Variants in EYS observed in about 807,000 individuals in gnomAD.
EYS encodes the protein EGF-like photoreceptor maintenance factor, also known as protein eyes shut homolog.
In EYS, 250 loss-of-function variants were observed where a neutral mutation model predicts 282.1. That is an observed-to-expected ratio of 0.89 (90% CI 0.80 to 0.98). The LOEUF (loss-of-function observed/expected upper bound fraction) is 0.98. EYS is among the 50% of genes least tolerant of loss of function. The pLI is 0.00. For missense variants in EYS, 4,016 were observed against 3,709.0 expected (o/e 1.08, Z -2.15); for synonymous variants, 1,355 against 1,282.9 (o/e 1.06, Z -1.20).
At chr6:64,413,561 A>C (rs866825543) in intron 28 of EYS, among the ~76,000 whole-genome samples, 1 of 117,412 alleles carries the variant, frequency 8.5e-6, no homozygotes. Context: ...ACAACAACAA[A>C]AACCCAAAAA....
intron 15 of EYS, among the ~76,000 whole-genome samples, chr6:64,944,896 T>A (rs560711124): frequency 2.0e-5 from 3 of 152,238 alleles, no homozygotes; most frequent in South Asian, 2.1e-4. Context: ...CTGGCTTATG[T>A]GCATGTCCAG....
intron 30 of EYS, among the ~76,000 whole-genome samples, chr6:64,246,177 CTT>C (rs35008552): frequency 1.3e-4 from 19 of 146,762 alleles, no homozygotes; most frequent in East Asian, 4.0e-4. Context: ...CTTAGGCATC[CTT>C]TTTTTTTTTC....
chr6:63,914,978 T>G (rs1377069910), intron 35 of EYS, among the ~76,000 whole-genome samples: 5 of 152,196 alleles, frequency 3.3e-5, no homozygotes, highest in African/African-American at 1.2e-4. Context: ...AAGCAGCAAG[T>G]GCTAGTAGAA....
Position 65,646,231 on chromosome 6 carries a change from C to T in EYS, c.-447-6339G>A, listed in dbSNP as rs753941457. ...CCAGAGAAGGACATCACAACTACAA[C>T]AAGAACAAAAAAACTGCAGACCAAT... On this transcript the variant is annotated intron_variant, in intron 1 of 42. Transcript: ENST00000503581. Among the ~76,000 whole-genome samples the T allele has an allele frequency of 3.9e-5, 6 of 151,994 alleles. No individual in the cohort carries two copies. In the South Asian group the frequency reaches 1.0e-3, roughly 26 times the overall value.
Position 65,244,541 on chromosome 6 carries a change from C to T in EYS, c.2023+51322G>A, listed in dbSNP as rs541541179. On this transcript the variant is annotated intron_variant, in intron 12 of 42. Transcript: ENST00000503581. Reference sequence around the variant, plus strand: ...ATTTATTTATTATTTGAGACCAAGTCTCGCTCTGTCGCCCAGACTGGAGTG... The same window carrying T: ...ATTTATTTATTATTTGAGACCAAGTTTCGCTCTGTCGCCCAGACTGGAGTG... 4.2e-3 allele frequency among the ~76,000 whole-genome samples: 638 copies of T among 152,154 alleles called. 4 individuals carry two copies. Among genetic ancestry groups the T allele is most frequent in the Middle Eastern group, 0.02 (6 of 294 alleles).
chr6:64,881,190 G>C (rs947019242), intron 19 of EYS, among the ~76,000 whole-genome samples: 1 of 151,642 alleles, frequency 6.6e-6, no homozygotes, highest in Admixed American at 6.6e-5. Flanking sequence ...TGTGAGCTGG[G>C]TTTTTGTACC....
At chr6:65,532,385 A>C (rs1355511562) in intron 2 of EYS, among the ~76,000 whole-genome samples, 1 of 152,120 alleles carries the variant, frequency 6.6e-6, no homozygotes, top group Non-Finnish European at 1.5e-5. Context: ...ATTATGGTAC[A>C]TGATGTTAGA....
intron 16 of EYS, among the ~76,000 whole-genome samples, chr6:64,908,207 C>A (rs1767888364): frequency 6.6e-6 from 1 of 152,054 alleles, no homozygotes; most frequent in Non-Finnish European, 1.5e-5. Context: ...GGGGAGAGAG[C>A]ACATATGCCA....
chr6:63,942,791 C>A (rs1765282031), intron 35 of EYS, among the ~76,000 whole-genome samples: 1 of 152,132 alleles, frequency 6.6e-6, no homozygotes, highest in Non-Finnish European at 1.5e-5. Flanking sequence ...TCCTGCCTCC[C>A]CTTCTGTCTC....
At chr6:64,245,865 A>G (rs545924641) in intron 30 of EYS, among the ~76,000 whole-genome samples, 1 of 152,072 alleles carries the variant, frequency 6.6e-6, no homozygotes, top group Non-Finnish European at 1.5e-5. Flanking sequence ...CTAAAAATAC[A>G]AAAATTAGCC....
chr6:64,944,136 T>C (rs1769193109), intron 15 of EYS, among the ~76,000 whole-genome samples: 1 of 152,090 alleles, frequency 6.6e-6, no homozygotes, highest in South Asian at 2.1e-4. Context: ...CCCTATTCAA[T>C]AAATGGTGCT....
intron 11 of EYS, chr6:65,330,260 T>C: frequency 1.1e-6 from 1 of 950,368 alleles, no homozygotes; most frequent in Non-Finnish European, 1.3e-6. Context: ...TTAGAGGAGA[T>C]TCAATAAATA....
intron 1 of EYS, among the ~76,000 whole-genome samples, chr6:65,664,147 G>A (rs1011152604): frequency 6.6e-6 from 1 of 152,018 alleles, no homozygotes; most frequent in Admixed American, 6.6e-5. Flanking sequence ...CGGGATTACA[G>A]GCATGAGCCA....
At chr6:64,580,208 G>T (rs1007748370) in intron 26 of EYS, among the ~76,000 whole-genome samples, 1 of 152,068 alleles carries the variant, frequency 6.6e-6, no homozygotes, top group African/African-American at 2.4e-5. Flanking sequence ...TTACAGCAAA[G>T]CTTTGGATAA....
chr6:64,647,726 C>T (rs919480662), intron 22 of EYS, among the ~76,000 whole-genome samples: 1 of 151,930 alleles, frequency 6.6e-6, no homozygotes, highest in Admixed American at 6.6e-5. Flanking sequence ...AAAAAAAACG[C>T]TAGTATTCTT....
chr6:65,510,405 C>G (rs1356207434), intron 2 of EYS, among the ~76,000 whole-genome samples: 3 of 151,966 alleles, frequency 2.0e-5, no homozygotes, highest in South Asian at 2.1e-4. Context: ...TTTCTTAATC[C>G]AGTCTATCAT....
chr6:64,613,684 G>T (rs1385406185), intron 24 of EYS, among the ~76,000 whole-genome samples: 1 of 152,086 alleles, frequency 6.6e-6, no homozygotes, highest in Non-Finnish European at 1.5e-5. Context: ...AATGCTGGAG[G>T]CTCAGTGTGT....
At chr6:65,569,134 C>T (rs1764387198) in intron 2 of EYS, among the ~76,000 whole-genome samples, 1 of 152,070 alleles carries the variant, frequency 6.6e-6, no homozygotes, top group Non-Finnish European at 1.5e-5. Context: ...TTGTTCCTGC[C>T]TTAACTGATG....
chr6:63,763,628 C>A (rs907628565), intron 40 of EYS, among the ~76,000 whole-genome samples: 3 of 151,584 alleles, frequency 2.0e-5, no homozygotes, highest in Non-Finnish European at 4.4e-5. Context: ...AATGGGCGCT[C>A]ATTCTTCTCC....
Sources: gnomAD v4.1 joint callset for allele counts (sites outside exome capture counted in the v4.1 genomes callset) on GRCh38, gnomAD v4.1.1 for gene constraint, MANE v1.5 for transcripts, NCBI Gene and HGNC (gene_info 2026-07-23, HGNC 2026-07-21) for gene names.